XRCC4: variants seen among roughly 807,000 people sequenced by gnomAD.
XRCC4 encodes DNA repair protein XRCC4.
In XRCC4, 28 loss-of-function variants were observed where a neutral mutation model predicts 39.1. The ratio of observed to expected loss-of-function variants is 0.72; its 90% CI spans 0.53 to 0.98. The LOEUF is 0.98. Ranked by LOEUF, XRCC4 falls within the 50% of genes least tolerant of loss-of-function variation. The pLI is 0.00. For missense variants in XRCC4, 350 were observed against 376.4 expected (o/e 0.93, Z 0.58); for synonymous variants, 123 against 126.4 (o/e 0.97, Z 0.18).
At chr5:83,254,839 C>T (rs774562336) in intron 6 of XRCC4, among the ~76,000 whole-genome samples, 1 of 152,086 alleles carries the variant, frequency 6.6e-6, no homozygotes, top group South Asian at 2.1e-4. Context: ...GTAATCCCAG[C>T]GCTTTGGGAG....
intron 6 of XRCC4, among the ~76,000 whole-genome samples, chr5:83,247,503 T>TA (rs1561430613): frequency 1.3e-5 from 2 of 152,170 alleles, no homozygotes; most frequent in African/African-American, 4.8e-5. Flanking sequence ...TGGGGACTGT[T>TA]GTCTTAGAGG....
At position 83,231,568 on chromosome 5, in the gene XRCC4, A is replaced by G. The variant is rs1287522038; in HGVS notation, c.745+26647A>G. On this transcript the variant is annotated intron_variant, in intron 6 of 7. Transcript: ENST00000396027. ...TGCCATGTTTAAATACCATTAGTAAAATGTTGACACATTTGGACTCTTATC... is the reference window on the plus strand; with the variant it reads ...TGCCATGTTTAAATACCATTAGTAAGATGTTGACACATTTGGACTCTTATC... 2.0e-5 allele frequency among the ~76,000 whole-genome samples: 3 copies of G among 152,204 alleles called. No individual in the cohort carries two copies. The East Asian group carries it at 5.8e-4, about 29-fold the overall frequency.
At chr5:83,267,528 G>A (rs1351656447) in intron 7 of XRCC4, among the ~76,000 whole-genome samples, 2 of 152,070 alleles carry the variant, frequency 1.3e-5, no homozygotes, top group Non-Finnish European at 2.9e-5. Context: ...CCCATAAAAC[G>A]ATTGGGCATA....
chr5:83,307,681 G>T (rs971194252), intron 7 of XRCC4, among the ~76,000 whole-genome samples: 3 of 152,110 alleles, frequency 2.0e-5, no homozygotes, highest in Admixed American at 6.6e-5. Flanking sequence ...CAGAAGCACA[G>T]AGATAGAAAG....
chr5:83,148,858 CAAT>C (rs1748579797), intron 3 of XRCC4, among the ~76,000 whole-genome samples: 1 of 151,194 alleles, frequency 6.6e-6, no homozygotes, highest in African/African-American at 2.4e-5. Flanking sequence ...ATAATAATAA[CAAT>C]GAAGAAATAA....
At chr5:83,188,969 T>C (rs929696031) in intron 3 of XRCC4, among the ~76,000 whole-genome samples, 5 of 152,156 alleles carry the variant, frequency 3.3e-5, no homozygotes, top group African/African-American at 9.7e-5. Flanking sequence ...AAATCTGTAT[T>C]TCTTCATCAG....
intron 1 of XRCC4, among the ~76,000 whole-genome samples, chr5:83,102,062 C>T (rs970394215): frequency 1.3e-5 from 2 of 151,128 alleles, no homozygotes; most frequent in African/African-American, 4.9e-5. Context: ...ATCACTCTCA[C>T]TATCACTAAA....
intron 3 of XRCC4, among the ~76,000 whole-genome samples, chr5:83,175,711 C>A (rs1452504284): frequency 1.3e-5 from 2 of 152,080 alleles, no homozygotes; most frequent in Non-Finnish European, 2.9e-5. Flanking sequence ...TGGGTTCAAT[C>A]GATTCTCCTG....
intron 3 of XRCC4, among the ~76,000 whole-genome samples, chr5:83,169,206 A>G (rs1455007353): frequency 1.3e-5 from 2 of 152,278 alleles, no homozygotes; most frequent in African/African-American, 2.4e-5. Flanking sequence ...TTTATTTTCT[A>G]ATTTCTTAGA....
At chr5:83,080,372 A>C (rs1251036491) in intron 1 of XRCC4, among the ~76,000 whole-genome samples, 1 of 152,080 alleles carries the variant, frequency 6.6e-6, no homozygotes, top group African/African-American at 2.4e-5. Context: ...ACTAATATAC[A>C]AAAATTAGCC....
intron 3 of XRCC4, among the ~76,000 whole-genome samples, chr5:83,167,872 T>C (rs1749554753): frequency 6.6e-6 from 1 of 152,196 alleles, no homozygotes; most frequent in African/African-American, 2.4e-5. Context: ...TTAACATGAC[T>C]AATATATTCA....
chr5:83,199,888 C>T (rs1167855684), intron 4 of XRCC4, among the ~76,000 whole-genome samples: 1 of 151,986 alleles, frequency 6.6e-6, no homozygotes. Flanking sequence ...TATCATTAGA[C>T]CTTTCTTGTT....
At chr5:83,258,846 A>G (rs1439887244) in intron 7 of XRCC4, 169 bp downstream of exon 7, 2 of 874,738 alleles carry the variant, frequency 2.3e-6, no homozygotes, top group Non-Finnish European at 3.3e-6. Context: ...GTATTTGGTT[A>G]ATTTCTATTA....
At chr5:83,280,178 C>G (rs376005377) in intron 7 of XRCC4, 1 of 265,504 alleles carries the variant, frequency 3.8e-6, no homozygotes, top group Non-Finnish European at 7.9e-6. Context: ...ATACAGGATG[C>G]CTTTCCAAAA....
chr5:83,333,961 G>A (rs560256926), intron 7 of XRCC4, among the ~76,000 whole-genome samples: 2 of 151,916 alleles, frequency 1.3e-5, no homozygotes, highest in Non-Finnish European at 2.9e-5. Flanking sequence ...GTAGAGACGG[G>A]GTTTCACCAT....
intron 1 of XRCC4, among the ~76,000 whole-genome samples, chr5:83,090,539 A>G (rs1211100621): frequency 6.6e-6 from 1 of 152,190 alleles, no homozygotes. Context: ...AAATGGACTT[A>G]TAAACCTCCC....
chr5:83,133,935 C>T (rs542240984), intron 3 of XRCC4, among the ~76,000 whole-genome samples: 2 of 152,288 alleles, frequency 1.3e-5, no homozygotes, highest in East Asian at 1.9e-4. Flanking sequence ...CCTCTGCTGG[C>T]GGGGCAGTGT....
intron 7 of XRCC4, among the ~76,000 whole-genome samples, chr5:83,273,455 G>T (rs942572056): frequency 6.6e-6 from 1 of 152,132 alleles, no homozygotes; most frequent in Admixed American, 6.5e-5. Context: ...TTTGGCTTTT[G>T]TTGCAATTGC....
chr5:83,128,904 A>G (rs577360582), intron 3 of XRCC4, among the ~76,000 whole-genome samples: 1 of 151,884 alleles, frequency 6.6e-6, no homozygotes, highest in South Asian at 2.1e-4. Context: ...GATTGTAGAA[A>G]TTTTCTCCCA....
Sources: allele counts gnomAD v4.1 joint callset (sites outside exome capture counted in the v4.1 genomes callset), GRCh38; gene constraint gnomAD v4.1.1; transcripts MANE v1.5; gene names NCBI Gene and HGNC (gene_info 2026-07-23, HGNC 2026-07-21).